LRP1B: variants seen among roughly 807,000 people sequenced by gnomAD.
LRP1B encodes the protein LDL receptor related protein 1B.
A neutral mutation model predicts 556.6 loss-of-function variants in LRP1B; 217 were observed. The ratio of observed to expected loss-of-function variants is 0.39; its 90% CI spans 0.35 to 0.44. LRP1B has a LOEUF of 0.44. LRP1B is among the 20% of genes least tolerant of loss of function. The pLI, the probability that LRP1B is intolerant of heterozygous loss-of-function variation, is 1.00. For missense variants in LRP1B, 5,053 were observed against 5,620.8 expected, an observed-to-expected ratio of 0.90 and a Z score of 3.23; for synonymous variants, 2,047 against 1,865.8, an observed-to-expected ratio of 1.10 and a Z score of -2.50.
chr2:140,745,438 C>A (rs963863232), intron 35 of LRP1B, among the ~76,000 whole-genome samples: 2 of 152,100 alleles, frequency 1.3e-5, no homozygotes, highest in South Asian at 4.1e-4. Flanking sequence ...ACATTTTAAT[C>A]TTTTAAATCA....
intron 6 of LRP1B, among the ~76,000 whole-genome samples, chr2:141,202,506 T>C (rs1221151133): frequency 1.3e-5 from 2 of 152,210 alleles, no homozygotes; most frequent in Admixed American, 6.5e-5. Context: ...CTTTCCACAA[T>C]GGTTGAACTA....
intron 2 of LRP1B, among the ~76,000 whole-genome samples, chr2:141,658,681 G>A (rs1027055158): frequency 6.6e-5 from 10 of 152,166 alleles, no homozygotes; most frequent in African/African-American, 2.4e-4. Flanking sequence ...ATGCAGCAAT[G>A]CATAAATAAT....
intron 32 of LRP1B, among the ~76,000 whole-genome samples, chr2:140,781,353 T>C (rs1218475059): frequency 6.6e-6 from 1 of 152,178 alleles, no homozygotes; most frequent in Admixed American, 6.5e-5. Flanking sequence ...CTTCAAAGCC[T>C]CCTCATTATA....
chr2:141,155,949 TC>T (rs1702055179), intron 7 of LRP1B, among the ~76,000 whole-genome samples: 1 of 152,158 alleles, frequency 6.6e-6, no homozygotes, highest in Non-Finnish European at 1.5e-5. Context: ...AGGATAATGT[TC>T]CTTGACTCCT....
intron 7 of LRP1B, among the ~76,000 whole-genome samples, chr2:141,152,414 T>A (rs994509713): frequency 6.6e-6 from 1 of 151,798 alleles, no homozygotes; most frequent in Admixed American, 6.6e-5. Flanking sequence ...AGAAAAAAAA[T>A]ACACTCAGGA....
chr2:140,957,666 A>G lies in LRP1B; in HGVS notation c.2888-5726T>C, dbSNP rs113688849. Among the ~76,000 whole-genome samples the G allele has an allele frequency of 1.8e-3, 278 of 151,744 alleles. 1 individual carries two copies. Among genetic ancestry groups the G allele is most frequent in the African/African-American group, 5.8e-3 (242 of 41,528 alleles). ...TCCTAAAAACTAGAATTGTGAGTGA[A>G]TGATATATAAAAACGTTGCCTGTGC... On this transcript the variant is annotated intron_variant, in intron 18 of 90. Transcript: ENST00000389484.
In LRP1B at chr2:140,903,155, C is replaced by T. The variant is rs749805287; in HGVS notation, c.3531G>A (p.Ser1177=). ...SDEGYLCDEC[S]LNNGGCSNHC... ...GGTTGCTACAGCCTCCATTGTTCAG[C>T]GAACACTCATCTATAAAAAGGGGGG... is the stretch of plus-strand genomic sequence containing the variant. The change falls in exon 23 of 91, where the codon TCG becomes TCA. Residue 1177 remains serine (S), a synonymous_variant. Transcript: ENST00000389484. The T allele has an allele frequency of 1.7e-5, 28 of 1,612,820 alleles. No individual in the cohort carries two copies. The highest frequency in any genetic ancestry group is 1.3e-4 in the East Asian group (6 of 44,818).
At chr2:141,957,910 T>G (rs1701302369) in intron 1 of LRP1B, among the ~76,000 whole-genome samples, 1 of 152,048 alleles carries the variant, frequency 6.6e-6, no homozygotes. Context: ...CAAAACATAT[T>G]TTAAAAGACT....
At chr2:141,586,389 A>T (rs1248264097) in intron 2 of LRP1B, among the ~76,000 whole-genome samples, 1 of 152,026 alleles carries the variant, frequency 6.6e-6, no homozygotes, top group Non-Finnish European at 1.5e-5. Flanking sequence ...ATATAAAGGG[A>T]TTATGAAAAT....
chr2:141,437,034 A>T (rs1680789046), intron 3 of LRP1B, among the ~76,000 whole-genome samples: 1 of 152,172 alleles, frequency 6.6e-6, no homozygotes, highest in Non-Finnish European at 1.5e-5. Context: ...AAATGGATGC[A>T]TGAATGACCC....
Position 141,561,255 on chromosome 2 carries a change from A to G in LRP1B, c.206-80722T>C, listed in dbSNP as rs910750531. ...CATTATGTTCCTAAAATGAAACTCCATATAAAATAAAATCTACTAACATTG... is the reference window on the plus strand; with the variant it reads ...CATTATGTTCCTAAAATGAAACTCCGTATAAAATAAAATCTACTAACATTG... On this transcript the variant is annotated intron_variant, in intron 2 of 90. Transcript: ENST00000389484. 7.9e-5 allele frequency among the ~76,000 whole-genome samples: 12 copies of G among 151,972 alleles called. No individual in the cohort carries two copies. In the East Asian group the frequency reaches 1.9e-3, roughly 24 times the overall value.
chr2:141,439,697 C>T (rs1680888001), intron 3 of LRP1B, among the ~76,000 whole-genome samples: 1 of 152,118 alleles, frequency 6.6e-6, no homozygotes. Context: ...TTTCTGTGTT[C>T]AGTCTTTTGT....
chr2:141,901,746 G>T (rs554333011), intron 1 of LRP1B, among the ~76,000 whole-genome samples: 1 of 151,968 alleles, frequency 6.6e-6, no homozygotes, highest in South Asian at 2.1e-4. Context: ...TATTCATTAT[G>T]TTTATAATGC....
intron 35 of LRP1B, among the ~76,000 whole-genome samples, chr2:140,722,619 A>G (rs1318025990): frequency 6.6e-6 from 1 of 152,186 alleles, no homozygotes; most frequent in East Asian, 1.9e-4. Context: ...TGCTCACTTT[A>G]CCAGATAAGG....
rs186967076 is a variant in LRP1B, at chr2:141,205,765, A to G, written c.851-17182T>C. On this transcript the variant is annotated intron_variant, in intron 6 of 90. Transcript: ENST00000389484. ...AAATGTCTTTGAAAAAAATTTAACTAGAAATGGTTTCTGTTCAGAAATTTG... is the reference window on the plus strand; with the variant it reads ...AAATGTCTTTGAAAAAAATTTAACTGGAAATGGTTTCTGTTCAGAAATTTG... 2.4e-4 allele frequency among the ~76,000 whole-genome samples: 36 copies of G among 152,350 alleles called. 1 individual carries two copies. Among genetic ancestry groups the G allele is most frequent in the African/African-American group, 8.7e-4 (36 of 41,584 alleles).
chr2:140,464,195 A>AAAT (rs931673826), intron 60 of LRP1B, among the ~76,000 whole-genome samples: 83 of 150,860 alleles, frequency 5.5e-4, no homozygotes, highest in East Asian at 2.1e-3. Context: ...GACTTGTCTC[A>AAAT]AATAATAATA....
At chr2:141,370,820 T>C (rs755334485) in intron 3 of LRP1B, among the ~76,000 whole-genome samples, 1 of 152,204 alleles carries the variant, frequency 6.6e-6, no homozygotes, top group African/African-American at 2.4e-5. Flanking sequence ...TTGATTTTTA[T>C]ATATGATGAG....
chr2:141,230,627 T>C (rs1683424009), intron 5 of LRP1B, among the ~76,000 whole-genome samples: 1 of 152,202 alleles, frequency 6.6e-6, no homozygotes, highest in Non-Finnish European at 1.5e-5. Context: ...ATCTCCTTAC[T>C]ACTCTTACTC....
At chr2:141,575,220 G>C (rs373000253) in intron 2 of LRP1B, among the ~76,000 whole-genome samples, 1 of 152,136 alleles carries the variant, frequency 6.6e-6, no homozygotes, top group Non-Finnish European at 1.5e-5. Flanking sequence ...ATACTACAAG[G>C]CTACAGTAAC....
Sources: allele counts gnomAD v4.1 joint callset (sites outside exome capture counted in the v4.1 genomes callset), GRCh38; gene constraint gnomAD v4.1.1; transcripts MANE v1.5; gene names NCBI Gene and HGNC (gene_info 2026-07-23, HGNC 2026-07-21).